CHN2: variants seen among roughly 807,000 people sequenced by gnomAD.
CHN2 encodes the protein beta-chimaerin.
Under a neutral mutation model 56.3 loss-of-function variants are expected in CHN2, and 35 were observed. The observed-to-expected ratio is 0.62, with a 90% CI of 0.47 to 0.82. The LOEUF (loss-of-function observed/expected upper bound fraction) is 0.82. CHN2 is among the 40% of genes least tolerant of loss of function. CHN2 has a pLI of 0.00. For synonymous variants in CHN2, 210 were observed against 212.8 expected, an observed-to-expected ratio of 0.99 and a Z score of 0.12; for missense variants, 491 against 580.5, an observed-to-expected ratio of 0.85 and a Z score of 1.58.
chr7:29,235,576 C>T (rs1053858436), intron 1 of CHN2, among the ~76,000 whole-genome samples: 2 of 152,172 alleles, frequency 1.3e-5, no homozygotes, highest in African/African-American at 4.8e-5. Context: ...ACCATAAAGA[C>T]ACATGCAAGC....
At chr7:29,311,463 C>A (rs148255378) in intron 1 of CHN2, among the ~76,000 whole-genome samples, 5 of 152,304 alleles carry the variant, frequency 3.3e-5, no homozygotes, top group African/African-American at 1.2e-4. Flanking sequence ...TCTCCCGTAT[C>A]CTGGCTGTAT....
In CHN2 at chr7:29,221,484, C is replaced by T. The variant is rs534744315; in HGVS notation, c.49+26494C>T. On this transcript the variant is annotated intron_variant, in intron 1 of 12. Transcript: ENST00000222792. Reference sequence around the variant, plus strand: ...TTCCTTCAACTTTTGTTTTAAGTTCCGGGATGTATGTGTAGGATGTGCAGG... The same window carrying T: ...TTCCTTCAACTTTTGTTTTAAGTTCTGGGATGTATGTGTAGGATGTGCAGG... 1.1e-3 allele frequency among the ~76,000 whole-genome samples: 168 copies of T among 151,864 alleles called. 1 individual carries two copies. The highest frequency in any genetic ancestry group is 3.9e-3 in the African/African-American group (161 of 41,394).
chr7:29,374,847 T>TCCTTCCTTCCTTCCTA (rs961509280), intron 3 of CHN2, among the ~76,000 whole-genome samples: 2 of 145,446 alleles, frequency 1.4e-5, no homozygotes, highest in African/African-American at 5.2e-5. Context: ...CTTCCTTCCT[T>TCCTTCCTTCCTTCCTA]CCTGCCTCCC....
upstream of CHN2, chr7:29,192,206 G>A (rs898163991): frequency 6.6e-6 from 1 of 152,296 alleles, no homozygotes; most frequent in Admixed American, 6.5e-5. Context: ...TCTGGCCCCA[G>A]GATCCAGGAA....
chr7:29,466,933 A>C (rs988392478), intron 6 of CHN2, among the ~76,000 whole-genome samples: 13 of 152,244 alleles, frequency 8.5e-5, no homozygotes, highest in Non-Finnish European at 2.9e-5. Flanking sequence ...AGATAAAAAA[A>C]GGTAGACATT....
intron 12 of CHN2, among the ~76,000 whole-genome samples, chr7:29,511,609 A>G (rs893899875): frequency 1.3e-5 from 2 of 152,196 alleles, no homozygotes; most frequent in African/African-American, 4.8e-5. Flanking sequence ...CATGTACATG[A>G]CACAAACTGG....
intron 1 of CHN2, among the ~76,000 whole-genome samples, chr7:29,349,892 C>T (rs1254923163): frequency 6.6e-6 from 1 of 152,082 alleles, no homozygotes; most frequent in Admixed American, 6.6e-5. Flanking sequence ...AATACATTTC[C>T]AGAACACATT....
chr7:29,168,025 G>T (rs964270721), intron 2 of CHN2, among the ~76,000 whole-genome samples: 2 of 152,162 alleles, frequency 1.3e-5, no homozygotes, highest in African/African-American at 4.8e-5. Context: ...ACCTAAACTG[G>T]ACATTTGTGT....
intron 2 of CHN2, among the ~76,000 whole-genome samples, chr7:29,170,916 C>G (rs937453736): frequency 6.6e-6 from 1 of 152,108 alleles, no homozygotes; most frequent in East Asian, 1.9e-4. Context: ...GAGACTTACT[C>G]ACTATCACAA....
intron 3 of CHN2, among the ~76,000 whole-genome samples, chr7:29,374,165 C>T (rs1799842308): frequency 6.6e-6 from 1 of 151,970 alleles, no homozygotes; most frequent in African/African-American, 2.4e-5. Flanking sequence ...CCCTTAATGC[C>T]GACACAATCA....
chr7:29,461,181 T>C (rs926532830), intron 6 of CHN2, among the ~76,000 whole-genome samples: 2 of 152,246 alleles, frequency 1.3e-5, no homozygotes, highest in African/African-American at 4.8e-5. Context: ...CTTAGTTTAC[T>C]CATTTCTCTA....
At chr7:29,411,819 C>T (rs950450296) in intron 6 of CHN2, among the ~76,000 whole-genome samples, 1 of 152,162 alleles carries the variant, frequency 6.6e-6, no homozygotes, top group African/African-American at 2.4e-5. Flanking sequence ...CTGAGCTTCT[C>T]GCGGAGCTGC....
At chr7:29,474,114 A>G (rs1476503029) in intron 6 of CHN2, among the ~76,000 whole-genome samples, 1 of 152,204 alleles carries the variant, frequency 6.6e-6, no homozygotes, top group East Asian at 1.9e-4. Flanking sequence ...TTTTCTGTGC[A>G]TACCTACTTA....
chr7:29,405,152 C>G (rs1262807380), intron 6 of CHN2, among the ~76,000 whole-genome samples: 2 of 137,992 alleles, frequency 1.4e-5, no homozygotes, highest in African/African-American at 5.3e-5. Context: ...GTATGGAGTG[C>G]TTATGTCACC....
chr7:29,293,278 G>A (rs1481209574), intron 1 of CHN2, among the ~76,000 whole-genome samples: 1 of 148,388 alleles, frequency 6.7e-6, no homozygotes, highest in African/African-American at 2.5e-5. Flanking sequence ...TCTCCCTCCT[G>A]CATCCTCGAT....
chr7:29,314,845 T>C (rs539449953), intron 1 of CHN2, among the ~76,000 whole-genome samples: 1 of 151,648 alleles, frequency 6.6e-6, no homozygotes, highest in East Asian at 1.9e-4. Context: ...AAGCTGTTTA[T>C]TTATGTTTAA....
chr7:29,423,106 A>G (rs948250768), intron 6 of CHN2, among the ~76,000 whole-genome samples: 1 of 152,222 alleles, frequency 6.6e-6, no homozygotes, highest in Non-Finnish European at 1.5e-5. Context: ...CTGAATTAGG[A>G]ACACCAAGGA....
chr7:29,391,457 G>T (rs1444131262), intron 3 of CHN2, among the ~76,000 whole-genome samples: 1 of 152,068 alleles, frequency 6.6e-6, no homozygotes. Context: ...TTAAATTTCA[G>T]ATATACAAGG....
chr7:29,346,789 G>A (rs1021298904), intron 1 of CHN2, among the ~76,000 whole-genome samples: 1 of 152,080 alleles, frequency 6.6e-6, no homozygotes. Context: ...ATGTTTGCAG[G>A]TATTTCCTCT....
Sources: gnomAD v4.1 joint callset for allele counts (sites outside exome capture counted in the v4.1 genomes callset) on GRCh38, gnomAD v4.1.1 for gene constraint, MANE v1.5 for transcripts, NCBI Gene and HGNC (gene_info 2026-07-23, HGNC 2026-07-21) for gene names.